The following PXYLP1 variants were observed in gnomAD, a reference collection of about 807,000 sequenced individuals.
PXYLP1 encodes the protein 2-phosphoxylose phosphatase 1, also known as acid phosphatase-like 2.
PXYLP1 carries 17 observed loss-of-function variants against 37.9 expected under a neutral mutation model. The observed-to-expected ratio is 0.45, with a 90% CI of 0.31 to 0.67. PXYLP1 has a LOEUF of 0.67. Among genes scored for constraint, PXYLP1 ranks in the 30% least tolerant of loss-of-function variants. The pLI, the probability that PXYLP1 is intolerant of heterozygous loss-of-function variation, is 0.07. For missense variants in PXYLP1, 511 were observed against 612.0 expected, an observed-to-expected ratio of 0.84 and a Z score of 1.74; for synonymous variants, 221 against 232.2, an observed-to-expected ratio of 0.95 and a Z score of 0.44.
intron 1 of PXYLP1, among the ~76,000 whole-genome samples, chr3:141,257,802 G>A (rs1013000512): frequency 2.6e-5 from 4 of 151,284 alleles, no homozygotes; most frequent in Admixed American, 1.3e-4. Flanking sequence ...TACTCAGGAG[G>A]CTGAAGCAGG....
chr3:141,246,372 A>T (rs534024543), intron 1 of PXYLP1, among the ~76,000 whole-genome samples: 1 of 152,328 alleles, frequency 6.6e-6, no homozygotes, highest in African/African-American at 2.4e-5. Flanking sequence ...TTACATAATG[A>T]ATAGTGCTGA....
intron 1 of PXYLP1, among the ~76,000 whole-genome samples, chr3:141,243,477 A>T (rs1168334791): frequency 1.3e-5 from 2 of 152,190 alleles, no homozygotes; most frequent in Non-Finnish European, 2.9e-5. Flanking sequence ...CCTGTCATCC[A>T]CGGTACGGTG....
chr3:141,285,898 A>T (rs1576606381), intron 4 of PXYLP1, among the ~76,000 whole-genome samples: 1 of 152,336 alleles, frequency 6.6e-6, no homozygotes, highest in East Asian at 1.9e-4. Context: ...GATTTATTAG[A>T]CTATATTACA....
At chr3:141,279,268 C>A in intron 3 of PXYLP1, 110 bp from the exon 4 acceptor site, 1 of 1,429,588 alleles carries the variant, frequency 7.0e-7, no homozygotes, top group Non-Finnish European at 9.6e-7. Flanking sequence ...CCCCTGCTGC[C>A]TCCGGCTCAG....
intron 2 of PXYLP1, among the ~76,000 whole-genome samples, chr3:141,266,912 C>T (rs144488273): frequency 1.3e-5 from 2 of 152,200 alleles, no homozygotes; most frequent in East Asian, 3.9e-4. Flanking sequence ...CATAGAACTG[C>T]CTCTGAGTAG....
At chr3:141,248,111 C>T (rs1295926629) in intron 1 of PXYLP1, among the ~76,000 whole-genome samples, 1 of 149,490 alleles carries the variant, frequency 6.7e-6, no homozygotes. Flanking sequence ...CAACCTCTGC[C>T]TCCCAGGTTC....
At chr3:141,278,235 C>A in intron 2 of PXYLP1, 107 bp from the exon 3 acceptor site, 1 of 1,273,170 alleles carries the variant, frequency 7.9e-7, no homozygotes, top group East Asian at 2.3e-5. Flanking sequence ...CCTTGATTCT[C>A]AGTGTAAGAA....
intron 2 of PXYLP1, chr3:141,272,533 T>C (rs1389548963): frequency 6.6e-6 from 1 of 152,232 alleles, no homozygotes; most frequent in Non-Finnish European, 1.5e-5. Flanking sequence ...TATTGACCAC[T>C]CCTGGGCTCT....
At position 141,276,194 on chromosome 3, in the gene PXYLP1, G is replaced by T. The variant is rs117479974; in HGVS notation, c.80-2148G>T. 2.9e-3 allele frequency among the ~76,000 whole-genome samples: 441 copies of T among 152,276 alleles called. 8 individuals carry two copies. In the East Asian group the frequency reaches 0.055, roughly 19 times the overall value. On this transcript the variant is annotated intron_variant, in intron 2 of 5. Transcript: ENST00000286353. ...TACACTATGACAAAATTGCCTAAGG[G>T]CCATCTCTCAGTGCCTCCCCATTGT...
At chr3:141,251,141 G>A (rs1941131291) in intron 1 of PXYLP1, among the ~76,000 whole-genome samples, 1 of 152,222 alleles carries the variant, frequency 6.6e-6, no homozygotes, top group African/African-American at 2.4e-5. Context: ...TGGTTTGTCT[G>A]CTTAAACAGA....
At chr3:141,283,467 AAG>A (rs1473138688) in intron 4 of PXYLP1, among the ~76,000 whole-genome samples, 3 of 152,276 alleles carry the variant, frequency 2.0e-5, no homozygotes, top group Non-Finnish European at 4.4e-5. Flanking sequence ...CAGAGAGAAA[AAG>A]GATTTCAAAA....
At chr3:141,258,233 C>T (rs1451827980) in intron 1 of PXYLP1, among the ~76,000 whole-genome samples, 1 of 152,084 alleles carries the variant, frequency 6.6e-6, no homozygotes, top group African/African-American at 2.4e-5. Context: ...CTTCCCAGGC[C>T]CAGAGTGAGA....
chr3:141,259,742 G>T (rs1191473294), intron 1 of PXYLP1, among the ~76,000 whole-genome samples: 1 of 152,184 alleles, frequency 6.6e-6, no homozygotes, highest in African/African-American at 2.4e-5. Flanking sequence ...AGATTTAAAG[G>T]TTAAAGGTCA....
rs201688568 is a variant in PXYLP1, at chr3:141,279,392, C to A, written c.253C>A (p.His85Asn). 6 of 1,613,982 alleles carry A rather than the reference C, an allele frequency of 3.7e-6. No homozygotes were observed. The highest frequency in any genetic ancestry group is 5.1e-6 in the Non-Finnish European group (6 of 1,179,888). The change falls in exon 4 of 6, where the codon CAT becomes AAT. Residue 85 changes from histidine (H) to asparagine (N), a missense_variant. By Grantham distance (68) the His-to-Asn change is moderately conservative. Coordinates refer to ENST00000286353, the MANE Select transcript of PXYLP1 (RefSeq NM_001037172.3). ...CTCTCGCGCAGGTCATGCCCCGCAT[C>A]ATTTTAAGCTGGTCTCAGTGCATGT... Reference protein sequence around the residue: ...ERSMEGHAPHHFKLVSVHVFI... With the variant: ...ERSMEGHAPHNFKLVSVHVFI...
At chr3:141,276,845 G>C (rs1320722503) in intron 2 of PXYLP1, among the ~76,000 whole-genome samples, 1 of 152,148 alleles carries the variant, frequency 6.6e-6, no homozygotes, top group Admixed American at 6.5e-5. Flanking sequence ...TTTCCAGTTT[G>C]ATGAGGAAAA....
In PXYLP1 at chr3:141,278,461, T is replaced by A. The variant is rs1433754117; in HGVS notation, c.199T>A (p.Tyr67Asn). ...VTDPVYEALL[Y>N]CNIPSVAERS... ...AGACCCCGTTTATGAAGCTCTTTTG[T>A]ACTGCAACATCCCCAGCGTGGCCGA... Residue 67 changes from tyrosine (Y) to asparagine (N), a missense_variant, in exon 3 of 6, where the codon TAC becomes AAC. Physicochemically the swap from Tyr to Asn is moderately radical, Grantham distance 143. Coordinates refer to ENST00000286353, the MANE Select transcript of PXYLP1 (RefSeq NM_001037172.3). 9.9e-6 allele frequency: 16 copies of A among 1,614,218 alleles called. No individual in the cohort carries two copies. The highest frequency in any genetic ancestry group is 1.0e-5 in the Non-Finnish European group (12 of 1,180,028).
At chr3:141,243,812 G>C (rs1459587248) in intron 1 of PXYLP1, among the ~76,000 whole-genome samples, 1 of 152,240 alleles carries the variant, frequency 6.6e-6, no homozygotes, top group Non-Finnish European at 1.5e-5. Flanking sequence ...ATGTTGTGAT[G>C]AGTGTTGAAA....
chr3:141,248,758 TAC>T (rs1164153787), intron 1 of PXYLP1, among the ~76,000 whole-genome samples: 4 of 17,458 alleles, frequency 2.3e-4, no homozygotes, highest in Non-Finnish European at 2.7e-4. Context: ...CGTATATATA[TAC>T]ACACACGTGT....
At chr3:141,250,259 A>G (rs995798110) in intron 1 of PXYLP1, among the ~76,000 whole-genome samples, 16 of 152,258 alleles carry the variant, frequency 1.1e-4, no homozygotes, top group Admixed American at 3.3e-4. Flanking sequence ...TTAAACATAT[A>G]ATTATGACTG....
Sources: gnomAD v4.1 joint callset for allele counts (sites outside exome capture counted in the v4.1 genomes callset) on GRCh38, gnomAD v4.1.1 for gene constraint, MANE v1.5 for transcripts, NCBI Gene and HGNC (gene_info 2026-07-23, HGNC 2026-07-21) for gene names.